Variants in CCNT1 observed in about 807,000 individuals in gnomAD.
CCNT1 encodes cyclin-T1.
A neutral mutation model predicts 67.3 loss-of-function variants in CCNT1; 18 were observed. The ratio of observed to expected loss-of-function variants is 0.27; its 90% CI spans 0.18 to 0.40. The LOEUF (loss-of-function observed/expected upper bound fraction) is 0.40, where lower values mean the gene tolerates loss of function less well. Ranked by LOEUF, CCNT1 falls within the 10% of genes least tolerant of loss-of-function variation. CCNT1 has a pLI of 1.00. For synonymous variants in CCNT1, 333 were observed against 310.3 expected, an observed-to-expected ratio of 1.07 and a Z score of -0.77; for missense variants, 744 against 884.9, an observed-to-expected ratio of 0.84 and a Z score of 2.02.
intron 4 of CCNT1, among the ~76,000 whole-genome samples, 157 bp downstream of exon 4, chr12:48,700,856 T>G (rs549328104): frequency 9.9e-4 from 151 of 152,260 alleles, no homozygotes; most frequent in African/African-American, 3.5e-3. Flanking sequence ...ATGGAACAGG[T>G]CAAAGCTAAA....
chr12:48,714,625 T>C (rs1940506127), intron 1 of CCNT1, 101 bp from the exon 2 acceptor site: 1 of 671,542 alleles, frequency 1.5e-6, no homozygotes, highest in South Asian at 1.6e-5. Flanking sequence ...AGCAAGTAGA[T>C]ACTACTAAAT....
At chr12:48,706,456 T>C (rs1224487545) in intron 2 of CCNT1, among the ~76,000 whole-genome samples, 1 of 152,230 alleles carries the variant, frequency 6.6e-6, no homozygotes, top group Non-Finnish European at 1.5e-5. Context: ...GAATTATATC[T>C]CAATTACTTA....
intron 4 of CCNT1, among the ~76,000 whole-genome samples, 164 bp downstream of exon 4, chr12:48,700,849 G>C (rs1407511359): frequency 1.3e-5 from 2 of 152,144 alleles, no homozygotes; most frequent in African/African-American, 2.4e-5. Context: ...TCACTCTATG[G>C]AACAGGTCAA....
intron 3 of CCNT1, among the ~76,000 whole-genome samples, chr12:48,702,626 T>C (rs1041496370): frequency 1.3e-5 from 2 of 152,020 alleles, no homozygotes; most frequent in Non-Finnish European, 2.9e-5. Context: ...CTATTAAAAA[T>C]ACTAAAAAAT....
At chr12:48,710,658 C>A (rs1448733621) in intron 2 of CCNT1, among the ~76,000 whole-genome samples, 1 of 152,120 alleles carries the variant, frequency 6.6e-6, no homozygotes, top group East Asian at 1.9e-4. Context: ...AAGAATATCT[C>A]TATATTGGAT....
intron 2 of CCNT1, among the ~76,000 whole-genome samples, chr12:48,712,696 T>C (rs557125746): frequency 5.5e-5 from 8 of 144,292 alleles, no homozygotes; most frequent in Admixed American, 1.4e-4. Flanking sequence ...TCCCAACACT[T>C]TGGGAGGCTG....
Position 48,694,253 on chromosome 12 carries a change from T to G in CCNT1, c.961A>C (p.Ser321Arg). The G allele has an allele frequency of 1.9e-6, 3 of 1,614,226 alleles. 1 individual carries two copies. In the South Asian group the frequency reaches 3.3e-5, roughly 18 times the overall value. The change falls in exon 9 of 9, where the codon AGC (serine) becomes CGC (arginine). Residue 321 changes from serine to arginine, a missense_variant. This residue lies in a region of CCNT1 where 564 missense variants were observed against 574.2 expected (regional missense o/e 0.98). Coordinates refer to ENST00000261900, the MANE Select transcript of CCNT1 (RefSeq NM_001240.4). ...AACATCTCCACACTGGTTAAGTTGC[T>G]GGATGACTCTTCGGAGACTGGCAGG... The part of the protein sequence containing the change: ...PSLPVSEESS[S>R]NLTSVEMLPG...
At chr12:48,711,855 C>T (rs555782844) in intron 2 of CCNT1, among the ~76,000 whole-genome samples, 10 of 152,166 alleles carry the variant, frequency 6.6e-5, no homozygotes, top group Admixed American at 1.3e-4. Context: ...TGCAGTGGCA[C>T]GATCTCGGCT....
intron 2 of CCNT1, among the ~76,000 whole-genome samples, chr12:48,710,183 C>T (rs576883946): frequency 1.5e-5 from 2 of 136,216 alleles, no homozygotes; most frequent in Non-Finnish European, 1.6e-5. Context: ...TGAGTCAACA[C>T]GCCCAGCCTC....
chr12:48,706,092 C>G (rs559557580), intron 2 of CCNT1, among the ~76,000 whole-genome samples, 196 bp from the exon 3 acceptor site: 11 of 151,920 alleles, frequency 7.2e-5, no homozygotes, highest in Non-Finnish European at 1.5e-4. Flanking sequence ...TTCCAAATAC[C>G]AATTCTTTGA....
At chr12:48,701,750 G>GAGCCCA in intron 3 of CCNT1, among the ~76,000 whole-genome samples, 1 of 151,786 alleles carries the variant, frequency 6.6e-6, no homozygotes, top group East Asian at 1.9e-4. Flanking sequence ...GGGATTACAG[G>GAGCCCA]CATGCACCAC....
At chr12:48,705,429 G>C (rs1940340621) in intron 3 of CCNT1, among the ~76,000 whole-genome samples, 1 of 150,058 alleles carries the variant, frequency 6.7e-6, no homozygotes, top group South Asian at 2.1e-4. Flanking sequence ...ACCACATCTG[G>C]CTTTTTTTTT....
rs1592116502 is a variant in CCNT1, at chr12:48,692,876, A to C, written c.*157T>G. 2 of 594,690 alleles carry C rather than the reference A, an allele frequency of 3.4e-6. No homozygotes were observed. The highest frequency in any genetic ancestry group is 5.5e-5 in the East Asian group (2 of 36,084). The allele number at this position is 594,690 out of a possible 1,614,324, so 36.8% of individuals were successfully genotyped here. A position where few individuals can be genotyped will look rare whatever the true frequency, so the allele number is the denominator to read the frequency against. ...TGCATGAGACAGCAGATATATAGCC[A>C]AGGCCTTCTACCACCCTCCTAACTA... On this transcript the variant is annotated 3_prime_UTR_variant, in exon 9 of 9. Transcript: ENST00000261900.
chr12:48,714,362 T>TACTGAA, intron 2 of CCNT1, 81 bp downstream of exon 2: 1 of 841,406 alleles, frequency 1.2e-6, no homozygotes. Flanking sequence ...TACAGTTCAG[T>TACTGAA]AGCAAAGACC....
intron 3 of CCNT1, among the ~76,000 whole-genome samples, chr12:48,702,308 C>T (rs1209194767): frequency 6.6e-6 from 1 of 152,222 alleles, no homozygotes; most frequent in Non-Finnish European, 1.5e-5. Context: ...CCCTTTGGGG[C>T]CATGTTAGGT....
intron 8 of CCNT1, among the ~76,000 whole-genome samples, chr12:48,694,954 G>A (rs1020076281): frequency 7.2e-5 from 11 of 152,184 alleles, no homozygotes; most frequent in Admixed American, 2.0e-4. Context: ...CTCCCAAGTA[G>A]CTGGAACTAC....
chr12:48,707,442 C>T (rs1187516711), intron 2 of CCNT1, among the ~76,000 whole-genome samples: 2 of 151,730 alleles, frequency 1.3e-5, no homozygotes, highest in Non-Finnish European at 2.9e-5. Context: ...GCCACCACAC[C>T]CAGTTAATTT....
intron 2 of CCNT1, among the ~76,000 whole-genome samples, chr12:48,711,470 T>C (rs1236868857): frequency 1.3e-5 from 2 of 152,080 alleles, no homozygotes; most frequent in Non-Finnish European, 2.9e-5. Flanking sequence ...ACAAACTGAT[T>C]TGAGAGTTTC....
At chr12:48,716,433 T>G (rs1555159716) in intron 1 of CCNT1, 82 bp downstream of exon 1, 1 of 1,292,148 alleles carries the variant, frequency 7.7e-7, no homozygotes, top group Non-Finnish European at 1.1e-6. Flanking sequence ...CCCACTTTCG[T>G]CCCCCCCACA....
Sources: gnomAD v4.1 joint callset for allele counts (sites outside exome capture counted in the v4.1 genomes callset) on GRCh38, gnomAD v4.1.1 for gene constraint, gnomAD v4.1.1 regional missense constraint, MANE v1.5 for transcripts, NCBI Gene and HGNC (gene_info 2026-07-23, HGNC 2026-07-21) for gene names.